The following GNB5 variants were observed in gnomAD, a reference collection of about 807,000 sequenced individuals.
The protein encoded by GNB5 is G protein subunit beta 5, also known as guanine nucleotide-binding protein subunit beta-5.
In GNB5, 37 loss-of-function variants were observed where a neutral mutation model predicts 55.3. The observed-to-expected ratio is 0.67, with a 90% confidence interval of 0.51 to 0.88. The LOEUF is 0.88. GNB5 is among the 40% of genes least tolerant of loss of function. The pLI is 0.00. For missense variants in GNB5, 476 were observed against 515.3 expected (o/e 0.92, Z 0.74); for synonymous variants, 219 against 198.5 (o/e 1.10, Z -0.87).
intron 3 of GNB5, among the ~76,000 whole-genome samples, chr15:52,159,219 C>T (rs964459617): frequency 6.6e-6 from 1 of 152,066 alleles, no homozygotes; most frequent in Non-Finnish European, 1.5e-5. Flanking sequence ...TTTATCCCAC[C>T]GTGACAGCAG....
rs567758877 is a variant in GNB5, at chr15:52,180,348, T to C, written c.127-469A>G. 2.0e-5 allele frequency: 3 copies of C among 152,776 alleles called. No homozygotes were observed. The East Asian group carries it at 5.8e-4, about 29-fold the overall frequency. The allele number at this position is 152,776 out of a possible 1,614,324, so 9.5% of individuals were successfully genotyped here. On this transcript the variant is annotated intron_variant, in intron 2 of 12. Coordinates refer to ENST00000261837, the MANE Select transcript of GNB5 (RefSeq NM_016194.4). Reference sequence around the variant, plus strand: ...TGATTGCGGGCTGCGGGCCCGTGGCTCCTGCAGGCAGAGAGAGGACGGGAG... The same window carrying C: ...TGATTGCGGGCTGCGGGCCCGTGGCCCCTGCAGGCAGAGAGAGGACGGGAG...
chr15:52,162,298 T>G (rs2034352735), intron 3 of GNB5, among the ~76,000 whole-genome samples: 1 of 152,222 alleles, frequency 6.6e-6, no homozygotes, highest in African/African-American at 2.4e-5. Context: ...CTCTCAACTT[T>G]CAGGGAATAC....
rs1451464374 is a variant in GNB5, at chr15:52,136,920, C to T, written c.628-1164G>A. On this transcript the variant is annotated intron_variant, in intron 7 of 12. Coordinates refer to ENST00000261837, the MANE Select transcript of GNB5 (RefSeq NM_016194.4). ...AGACCAAGTAAAAATAACTTAACTGCTTGCTGCAGAAAATACCTGCTCCTG... is the reference window on the plus strand; with the variant it reads ...AGACCAAGTAAAAATAACTTAACTGTTTGCTGCAGAAAATACCTGCTCCTG... The T allele has an allele frequency of 1.6e-5, 7 of 441,624 alleles. No homozygotes were observed. The East Asian group carries it at 4.9e-4, about 31-fold the overall frequency. The allele number at this position is 441,624 out of a possible 1,614,324, so 27.4% of individuals were successfully genotyped here.
chr15:52,150,602 A>C (rs1417164534), intron 4 of GNB5, among the ~76,000 whole-genome samples: 1 of 152,256 alleles, frequency 6.6e-6, no homozygotes, highest in Non-Finnish European at 1.5e-5. Context: ...TGGGCAGCCA[A>C]TCAGTAAGCA....
At chr15:52,146,923 T>C (rs2033989882) in intron 6 of GNB5, among the ~76,000 whole-genome samples, 1 of 152,080 alleles carries the variant, frequency 6.6e-6, no homozygotes, top group Non-Finnish European at 1.5e-5. Flanking sequence ...TTAATGTCAT[T>C]GTCCATATGG....
intron 3 of GNB5, among the ~76,000 whole-genome samples, chr15:52,161,722 C>T (rs1440340631): frequency 3.9e-5 from 6 of 152,342 alleles, no homozygotes; most frequent in Admixed American, 1.3e-4. Context: ...TGGAAAGTTA[C>T]AGCCAGAAGA....
rs1430378187 is a variant in GNB5 at position 52,125,974 on chromosome 15, G to A, written c.983C>T (p.Ala328Val). The A allele has an allele frequency of 1.3e-6, 2 of 1,553,058 alleles. No individual in the cohort carries two copies. Among genetic ancestry groups the A allele is most frequent in the Non-Finnish European group, 1.8e-6 (2 of 1,129,040 alleles). ...ACTGAGGGAGAAGTCCACGCTGGAT[G>A]CTCCAAATATGATGCTTTCTTTGGA... Reference protein sequence around the residue: ...IYSKESIIFGASSVDFSLSGR... With the variant: ...IYSKESIIFGVSSVDFSLSGR... The change falls in exon 11 of 13, where the codon GCA becomes GTA. Residue 328 changes from alanine (A) to valine (V), a missense_variant. Ala to Val is a moderately conservative substitution (Grantham distance 64, BLOSUM62 0). Coordinates refer to ENST00000261837, the MANE Select transcript of GNB5 (RefSeq NM_016194.4).
chr15:52,137,206 G>T, intron 7 of GNB5: 1 of 1,152,702 alleles, frequency 8.7e-7, no homozygotes, highest in Non-Finnish European at 1.1e-6. Flanking sequence ...GCTTTGCTTG[G>T]TTGCAAGTAT....
chr15:52,163,246 ACT>A (rs1057488805), intron 3 of GNB5, among the ~76,000 whole-genome samples: 6 of 152,016 alleles, frequency 3.9e-5, no homozygotes, highest in African/African-American at 1.4e-4. Flanking sequence ...AGCTCTGCAG[ACT>A]CTCAGTGGCA....
At chr15:52,153,627 C>T (rs539409712) in intron 4 of GNB5, among the ~76,000 whole-genome samples, 10 of 152,204 alleles carry the variant, frequency 6.6e-5, no homozygotes, top group African/African-American at 1.4e-4. Flanking sequence ...CAGAATCTTA[C>T]GCCCTCAATT....
In GNB5 at chr15:52,147,466, C is replaced by G. The variant is rs2034000784; in HGVS notation, c.487G>C (p.Ala163Pro). The G allele has an allele frequency of 6.3e-7, 1 of 1,587,540 alleles. No homozygotes were observed. Among genetic ancestry groups the G allele is most frequent in the Non-Finnish European group, 8.7e-7 (1 of 1,155,836 alleles). ...GCTGTAGCTCCAACTTACCCACAAG[C>G]AATGGCACATCCCGATGGGGCATAA... The part of the protein sequence containing the change: ...CAYAPSGCAI[A>P]CGGLDNKCSV... Residue 163 changes from alanine (A) to proline (P), a missense_variant, in exon 6 of 13, where the codon GCT becomes CCT. Coordinates refer to ENST00000261837, the MANE Select transcript of GNB5 (RefSeq NM_016194.4).
intron 3 of GNB5, among the ~76,000 whole-genome samples, chr15:52,166,118 GTTCAA>G (rs1292880666): frequency 6.6e-6 from 1 of 152,184 alleles, no homozygotes; most frequent in Non-Finnish European, 1.5e-5. Context: ...ATGGTAAAGT[GTTCAA>G]TTCAACAAGA....
Position 52,116,007 on chromosome 15 carries a change from T to A in GNB5, c.*6750A>T, listed in dbSNP as rs1230943771. ...TCCATGTTGCAGCATGTGTCCACGC[T>A]TTCTTTCTTTGTATTCCATTCTGTG... is the stretch of plus-strand genomic sequence containing the variant. On this transcript the variant is annotated 3_prime_UTR_variant, in exon 13 of 13. Transcript: ENST00000261837. 6.6e-6 allele frequency: 1 copy of A among 152,282 alleles called. No individual in the cohort carries two copies. Among genetic ancestry groups the A allele is most frequent in the Non-Finnish European group, 1.5e-5 (1 of 68,050 alleles). 9.4% of individuals were successfully genotyped at this position (152,282 alleles called of 1,614,324 possible). A position where few individuals can be genotyped will look rare whatever the true frequency, so the allele number is the denominator to read the frequency against.
intron 3 of GNB5, among the ~76,000 whole-genome samples, chr15:52,171,371 T>A (rs1251549631): frequency 6.6e-6 from 1 of 152,216 alleles, no homozygotes; most frequent in African/African-American, 2.4e-5. Flanking sequence ...AAACATAAGC[T>A]ATGAAATACA....
rs1319695680 is a variant in GNB5 at position 52,149,908 on chromosome 15, C to G, written c.393G>C (p.Val131=). Residue 131 remains valine (V), a synonymous_variant, in exon 5 of 13, where the codon GTG becomes GTC. Transcript: ENST00000261837. ...CCTTGTTTGTGGTGAAGGAATCCCA[C>G]ACGATCACCTTCCCATCCTGGAGGG... ...VSSSQDGKVI[V]WDSFTTNKEH... 9 of 1,612,292 alleles carry G rather than the reference C, an allele frequency of 5.6e-6. No homozygotes were observed. Among genetic ancestry groups the G allele is most frequent in the Non-Finnish European group, 7.6e-6 (9 of 1,178,344 alleles).
chr15:52,168,014 A>G (rs1007599197), intron 3 of GNB5, among the ~76,000 whole-genome samples: 1 of 152,256 alleles, frequency 6.6e-6, no homozygotes, highest in Non-Finnish European at 1.5e-5. Flanking sequence ...CAAAATAGTA[A>G]GAGCCATATA....
chr15:52,147,166 GTTTTTTT>G (rs540360753), intron 6 of GNB5: 1 of 176,762 alleles, frequency 5.7e-6, no homozygotes, highest in South Asian at 8.9e-5. Context: ...TTATGGTTTT[GTTTTTTT>G]TTTTTTTTTT....
chr15:52,124,663 C>G (rs2033374830), intron 11 of GNB5, 24 bp from the exon 12 acceptor site: 1 of 1,603,766 alleles, frequency 6.2e-7, no homozygotes, highest in South Asian at 1.1e-5. Flanking sequence ...GAGATGATAG[C>G]TGTTAAGCCA....
intron 3 of GNB5, among the ~76,000 whole-genome samples, chr15:52,172,910 A>G (rs2034581081): frequency 6.6e-6 from 1 of 152,208 alleles, no homozygotes; most frequent in South Asian, 2.1e-4. Context: ...ATCATGTTAT[A>G]TATACTGTTT....
Sources: gnomAD v4.1 joint callset for allele counts (sites outside exome capture counted in the v4.1 genomes callset) on GRCh38, gnomAD v4.1.1 for gene constraint, MANE v1.5 for transcripts, NCBI Gene and HGNC (gene_info 2026-07-23, HGNC 2026-07-21) for gene names.